The following SHFL variants were observed in gnomAD, a reference collection of about 807,000 sequenced individuals.
SHFL encodes the protein shiftless antiviral inhibitor of ribosomal frameshifting protein.
Under a neutral mutation model 34.7 loss-of-function variants are expected in SHFL, and 12 were observed. That is an observed-to-expected ratio of 0.35 (90% CI 0.22 to 0.56). SHFL has a LOEUF of 0.56. Ranked by LOEUF, SHFL falls within the 20% of genes least tolerant of loss-of-function variation. The pLI, the probability that SHFL is intolerant of heterozygous loss-of-function variation, is 0.88. For synonymous variants in SHFL, 148 were observed against 156.0 expected, an observed-to-expected ratio of 0.95 and a Z score of 0.38; for missense variants, 278 against 411.1, an observed-to-expected ratio of 0.68 and a Z score of 2.80.
Position 10,092,725 on chromosome 19 carries a change from G to C in SHFL, c.*423G>C, listed in dbSNP as rs770526734. ...GTGGTGCCACACACCGTTGAGGTTGGAGTGGGCACAGGCATGGTACCACCA... is the reference window on the plus strand; with the variant it reads ...GTGGTGCCACACACCGTTGAGGTTGCAGTGGGCACAGGCATGGTACCACCA... On this transcript the variant is annotated 3_prime_UTR_variant, in exon 8 of 8. Transcript: ENST00000253110. 1 of 1,613,632 alleles carries C rather than the reference G, an allele frequency of 6.2e-7. No individual in the cohort carries two copies. The highest frequency in any genetic ancestry group is 1.7e-5 in the Admixed American group (1 of 59,994).
At chr19:10,090,924 GAAAGA>G (rs1370563121) in intron 5 of SHFL, among the ~76,000 whole-genome samples, 1 of 150,794 alleles carries the variant, frequency 6.6e-6, no homozygotes, top group Non-Finnish European at 1.5e-5. Context: ...AAAAAAGAAA[GAAAGA>G]AAAGAAACCA....
chr19:10,089,160 G>C, intron 3 of SHFL: 1 of 721,394 alleles, frequency 1.4e-6, no homozygotes, highest in Non-Finnish European at 2.3e-6. Flanking sequence ...GGGCAGCTGC[G>C]ATTTGAACCC....
In SHFL at chr19:10,086,687, T is replaced by G. The variant is rs977670419; in HGVS notation, c.21+239T>G. On this transcript the variant is annotated intron_variant, in intron 1 of 7. Transcript: ENST00000253110. This position sits in a 1 kb window ranked among gnomAD's most constrained non-coding sequence, Gnocchi z 5.2. Reference sequence around the variant, plus strand: ...AGGGTCAAAGGTCAGAGGCCAGAGATAACCTGGCCGCCCCCCCACACCTTA... The same window carrying G: ...AGGGTCAAAGGTCAGAGGCCAGAGAGAACCTGGCCGCCCCCCCACACCTTA... 2 of 596,202 alleles carry G rather than the reference T, an allele frequency of 3.4e-6. No individual in the cohort carries two copies. Among genetic ancestry groups the G allele is most frequent in the Non-Finnish European group, 5.8e-6 (2 of 346,590 alleles). The allele number at this position is 596,202 out of a possible 1,614,324, so 36.9% of individuals were successfully genotyped here.
At chr19:10,090,139 T>G in intron 5 of SHFL, 92 bp downstream of exon 5, 1 of 1,388,570 alleles carries the variant, frequency 7.2e-7, no homozygotes, top group Non-Finnish European at 9.9e-7. Context: ...CCTAAGGATT[T>G]CAATCACTGA....
Position 10,091,378 on chromosome 19 carries a change from C to G in SHFL, c.488+25C>G. On this transcript the variant is annotated intron_variant, in intron 6 of 7. Transcript: ENST00000253110. The surrounding 1 kb of genome is among the most constrained non-coding windows in gnomAD (Gnocchi z 8.2). The stretch of plus-strand genomic sequence containing the variant: ...GGTGAGGGCGCTGACCCCCAGCTCC[C>G]CCTCAGCCCTGCCCTACCCCAGCCC... 6.2e-7 allele frequency: 1 copy of G among 1,606,604 alleles called. No homozygotes were observed. The highest frequency in any genetic ancestry group is 8.5e-7 in the Non-Finnish European group (1 of 1,175,442).
rs1007156775 is a variant in SHFL, at chr19:10,092,494, C to T, written c.*192C>T. ...CCACAGTGGGAAGTTCTGTGGGACACATTGGCACTGAGCCACAAAGAAGGT... is the reference window on the plus strand; with the variant it reads ...CCACAGTGGGAAGTTCTGTGGGACATATTGGCACTGAGCCACAAAGAAGGT... On this transcript the variant is annotated 3_prime_UTR_variant, in exon 8 of 8. Coordinates refer to ENST00000253110, the MANE Select transcript of SHFL (RefSeq NM_018381.4). 2.6e-6 allele frequency: 4 copies of T among 1,522,840 alleles called. No individual in the cohort carries two copies. The African/African-American group carries it at 4.2e-5, about 16-fold the overall frequency. 94.3% of individuals were successfully genotyped at this position (1,522,840 alleles called of 1,614,324 possible).
rs2088383254 is a variant in SHFL at position 10,091,381 on chromosome 19, T to TCAGCCCTGCCCTACCC, written c.488+40_488+55dup. On this transcript the variant is annotated intron_variant, in intron 6 of 7. Transcript: ENST00000253110. This position sits in a 1 kb window ranked among gnomAD's most constrained non-coding sequence, Gnocchi z 8.2. ...GAGGGCGCTGACCCCCAGCTCCCCC[T>TCAGCCCTGCCCTACCC]CAGCCCTGCCCTACCCCAGCCCTGC... 1 of 1,579,200 alleles carries TCAGCCCTGCCCTACCC rather than the reference T, an allele frequency of 6.3e-7. No individual in the cohort carries two copies.
At chr19:10,090,916 AAAAG>A (rs201401695) in intron 5 of SHFL, among the ~76,000 whole-genome samples, 16,991 of 151,530 alleles carry the variant, frequency 0.11, 1,229 homozygotes, top group Admixed American at 0.23. Flanking sequence ...TCTAAAAAAA[AAAAG>A]AAAGAAAGAA....
At position 10,086,550 on chromosome 19, in the gene SHFL, T is replaced by C; in HGVS notation, c.21+102T>C. The C allele has an allele frequency of 8.9e-7, 1 of 1,124,490 alleles. No individual in the cohort carries two copies. The highest frequency in any genetic ancestry group is 1.2e-6 in the Non-Finnish European group (1 of 861,724). The allele number at this position is 1,124,490 out of a possible 1,614,324, so 69.7% of individuals were successfully genotyped here. A position where few individuals can be genotyped will look rare whatever the true frequency, so the allele number is the denominator to read the frequency against. On this transcript the variant is annotated intron_variant, in intron 1 of 7. Coordinates refer to ENST00000253110, the MANE Select transcript of SHFL (RefSeq NM_018381.4). This position sits in a 1 kb window ranked among gnomAD's most constrained non-coding sequence, Gnocchi z 5.2. ...TCGCAGTTCCTGGGGACCCCCATCCTAGAACCCCAGATCCTTACCCCTGCC... is the reference window on the plus strand; with the variant it reads ...TCGCAGTTCCTGGGGACCCCCATCCCAGAACCCCAGATCCTTACCCCTGCC...
In SHFL at chr19:10,086,545, C is replaced by T; in HGVS notation, c.21+97C>T. The T allele has an allele frequency of 8.7e-7, 1 of 1,144,842 alleles. No homozygotes were observed. Among genetic ancestry groups the T allele is most frequent in the East Asian group, 3.1e-5 (1 of 31,930 alleles). The allele number at this position is 1,144,842 out of a possible 1,614,324, so 70.9% of individuals were successfully genotyped here. A position where few individuals can be genotyped will look rare whatever the true frequency, so the allele number is the denominator to read the frequency against. The stretch of plus-strand genomic sequence containing the variant: ...GGGCTTCGCAGTTCCTGGGGACCCC[C>T]ATCCTAGAACCCCAGATCCTTACCC... On this transcript the variant is annotated intron_variant, in intron 1 of 7. Transcript: ENST00000253110. The surrounding 1 kb of genome is among the most constrained non-coding windows in gnomAD (Gnocchi z 5.2).
In SHFL at chr19:10,091,154, C is replaced by A. The variant is rs2088378174; in HGVS notation, c.385-96C>A. ...TGAGTTGGGTTGCTCAAGCTGAGGC[C>A]AGCCGCTGCAGCACACTGCTAGCCC... On this transcript the variant is annotated intron_variant, in intron 5 of 7. Coordinates refer to ENST00000253110, the MANE Select transcript of SHFL (RefSeq NM_018381.4). This position sits in a 1 kb window ranked among gnomAD's most constrained non-coding sequence, Gnocchi z 8.2. The A allele has an allele frequency of 9.4e-7, 1 of 1,059,788 alleles. No individual in the cohort carries two copies. The highest frequency in any genetic ancestry group is 1.4e-6 in the Non-Finnish European group (1 of 714,046). 65.6% of individuals were successfully genotyped at this position (1,059,788 alleles called of 1,614,324 possible).
In SHFL at chr19:10,091,596, C is replaced by T. The variant is rs751277943; in HGVS notation, c.609C>T (p.His203=). 9.0e-6 allele frequency: 14 copies of T among 1,551,866 alleles called. No homozygotes were observed. The highest frequency in any genetic ancestry group is 1.2e-5 in the Non-Finnish European group (14 of 1,147,246). The change falls in exon 7 of 8, where the codon CAC becomes CAT. Residue 203 remains histidine, a synonymous_variant. Transcript: ENST00000253110. This position sits in a 1 kb window ranked among gnomAD's most constrained non-coding sequence, Gnocchi z 8.2. ...CGGATCGCCGCAGCACCCACACTCA[C>T]TCCTGCTCAGCTGCCGACTGCTACA... The part of the protein sequence containing the change: ...RDPDRRSTHT[H]SCSAADCYNR...
chr19:10,089,778 G>C, intron 4 of SHFL, 83 bp downstream of exon 4: 1 of 1,548,400 alleles, frequency 6.5e-7, no homozygotes, highest in South Asian at 1.3e-5. Context: ...TAGGGCAGGA[G>C]GGGAGATATT....
In SHFL at chr19:10,086,908, AC is replaced by A. The variant is rs757102628; in HGVS notation, c.22-15del. On this transcript the variant is annotated intron_variant, in intron 1 of 7. Coordinates refer to ENST00000253110, the MANE Select transcript of SHFL (RefSeq NM_018381.4). This position sits in a 1 kb window ranked among gnomAD's most constrained non-coding sequence, Gnocchi z 5.2. ...TCCCGTTTCCCCTTCCCCCACCGGA[AC>A]CCCCCTGTCTCCATCCCAGCTGGAG... 2.5e-6 allele frequency: 4 copies of A among 1,612,810 alleles called. No individual in the cohort carries two copies. Among genetic ancestry groups the A allele is most frequent in the Middle Eastern group, 1.7e-4 (1 of 6,056 alleles).
At position 10,091,573 on chromosome 19, in the gene SHFL, G is replaced by A. The variant is rs927211107; in HGVS notation, c.586G>A (p.Asp196Asn). ...ILPPRWDRDP[D>N]RRSTHTHSCS... is the part of the protein sequence containing the mutation. Reference sequence around the variant, plus strand: ...CCCCCCGCGCTGGGACCGGGACCCGGATCGCCGCAGCACCCACACTCACTC... The same window carrying A: ...CCCCCCGCGCTGGGACCGGGACCCGAATCGCCGCAGCACCCACACTCACTC... The change falls in exon 7 of 8, where the codon GAT becomes AAT. Residue 196 changes from aspartate (D) to asparagine (N), a missense_variant. Physicochemically the swap from Asp to Asn is conservative, Grantham distance 23. Transcript: ENST00000253110. This position sits in a 1 kb window ranked among gnomAD's most constrained non-coding sequence, Gnocchi z 8.2. The A allele has an allele frequency of 3.2e-6, 5 of 1,551,350 alleles. No individual in the cohort carries two copies. The highest frequency in any genetic ancestry group is 4.4e-6 in the Non-Finnish European group (5 of 1,147,134).
intron 3 of SHFL, chr19:10,087,642 G>A (rs184615322): frequency 7.2e-5 from 23 of 319,114 alleles, no homozygotes; most frequent in Non-Finnish European, 1.3e-4. Context: ...AAAGGATGGG[G>A]AGGAGTGAGC....
chr19:10,093,043 G>T lies in SHFL; in HGVS notation c.*741G>T. ...CTTTTCTGCAAACTAGGAGTCTACC[G>T]TTCATTCCTTTATCAAAGAAAAGTA... On this transcript the variant is annotated 3_prime_UTR_variant, in exon 8 of 8. Coordinates refer to ENST00000253110, the MANE Select transcript of SHFL (RefSeq NM_018381.4). 1 of 489,586 alleles carries T rather than the reference G, an allele frequency of 2.0e-6. No homozygotes were observed. The highest frequency in any genetic ancestry group is 4.3e-5 in the South Asian group (1 of 23,326). The allele number at this position is 489,586 out of a possible 1,614,324, so 30.3% of individuals were successfully genotyped here. A position where few individuals can be genotyped will look rare whatever the true frequency, so the allele number is the denominator to read the frequency against.
intron 3 of SHFL, chr19:10,088,078 TG>T (rs2088317462): frequency 6.8e-6 from 1 of 147,116 alleles, no homozygotes. Context: ...CTGACCAACA[TG>T]GAGAAACCCG....
At position 10,086,480 on chromosome 19, in the gene SHFL, G is replaced by C; in HGVS notation, c.21+32G>C. 1 of 1,359,900 alleles carries C rather than the reference G, an allele frequency of 7.4e-7. No homozygotes were observed. Among genetic ancestry groups the C allele is most frequent in the African/African-American group, 1.5e-5 (1 of 66,868 alleles). 84.2% of individuals were successfully genotyped at this position (1,359,900 alleles called of 1,614,324 possible). The stretch of plus-strand genomic sequence containing the variant: ...GATGGCTACGGCTGGGCCGGGGTCA[G>C]CCGCGACAGACCCCGAGGAGCGGCC... On this transcript the variant is annotated intron_variant, in intron 1 of 7. Transcript: ENST00000253110. This position sits in a 1 kb window ranked among gnomAD's most constrained non-coding sequence, Gnocchi z 5.2.
Sources: gnomAD v4.1 joint callset for allele counts (sites outside exome capture counted in the v4.1 genomes callset) on GRCh38, gnomAD v4.1.1 for gene constraint, Gnocchi (gnomAD v3.1) non-coding constraint, MANE v1.5 for transcripts, NCBI Gene and HGNC (gene_info 2026-07-23, HGNC 2026-07-21) for gene names.